MLLT10: variants seen among roughly 807,000 people sequenced by gnomAD.
MLLT10 encodes the protein protein AF-10.
A neutral mutation model predicts 129.1 loss-of-function variants in MLLT10; 30 were observed. The observed-to-expected ratio is 0.23, with a 90% CI of 0.17 to 0.32. MLLT10 has a LOEUF of 0.32. MLLT10 is among the 10% of genes least tolerant of loss of function. The pLI is 1.00. For missense variants in MLLT10, 1,119 were observed against 1,268.3 expected, an observed-to-expected ratio of 0.88 and a Z score of 1.79; for synonymous variants, 490 against 446.4, an observed-to-expected ratio of 1.10 and a Z score of -1.23.
intron 3 of MLLT10, among the ~76,000 whole-genome samples, chr10:21,559,858 A>C (rs564524578): frequency 1.3e-5 from 2 of 152,284 alleles, no homozygotes; most frequent in African/African-American, 4.8e-5. Context: ...TCATCTGTTG[A>C]TGGAAACTTG....
At chr10:21,679,198 T>C (rs1589603495) in intron 11 of MLLT10, among the ~76,000 whole-genome samples, 1 of 152,322 alleles carries the variant, frequency 6.6e-6, no homozygotes, top group Admixed American at 6.5e-5. Flanking sequence ...ATTAGTGTGT[T>C]TCTAAAAGTG....
At chr10:21,676,007 G>A (rs532289057) in intron 11 of MLLT10, among the ~76,000 whole-genome samples, 2 of 152,162 alleles carry the variant, frequency 1.3e-5, no homozygotes, top group African/African-American at 4.8e-5. Flanking sequence ...AAAAGAATTC[G>A]TTTCTCTTAC....
chr10:21,624,805 G>T, intron 8 of MLLT10: 1 of 1,076,264 alleles, frequency 9.3e-7, no homozygotes, highest in Non-Finnish European at 1.4e-6. Flanking sequence ...TGATTGCCCT[G>T]AGATCCACGG....
chr10:21,579,843 G>T (rs2041208738), intron 3 of MLLT10, among the ~76,000 whole-genome samples: 1 of 152,038 alleles, frequency 6.6e-6, no homozygotes, highest in Non-Finnish European at 1.5e-5. Flanking sequence ...GATTACAGGT[G>T]TGAGCCACCA....
intron 7 of MLLT10, among the ~76,000 whole-genome samples, chr10:21,615,457 CAAAAAAAAA>C (rs71393914): frequency 1.9e-4 from 14 of 75,594 alleles, no homozygotes; most frequent in Non-Finnish European, 1.7e-4. Context: ...GACTCCGTCT[CAAAAAAAAA>C]AAAAAAAAGA....
At chr10:21,707,340 G>A (rs1187700823) in intron 13 of MLLT10, among the ~76,000 whole-genome samples, 2 of 151,550 alleles carry the variant, frequency 1.3e-5, no homozygotes, top group Non-Finnish European at 2.9e-5. Context: ...CTACAGGCAC[G>A]CGCCACCATG....
At chr10:21,733,636 GAAT>G (rs1470384614) in intron 19 of MLLT10, 44 bp downstream of exon 19, 1 of 1,465,332 alleles carries the variant, frequency 6.8e-7, no homozygotes, top group African/African-American at 1.4e-5. Context: ...ATTTACTTGT[GAAT>G]AATAGTATAT....
rs758679893 is a variant in MLLT10, at chr10:21,733,564, C to T, written c.2468C>T (p.Pro823Leu). The T allele has an allele frequency of 5.1e-6, 8 of 1,574,282 alleles. No individual in the cohort carries two copies. The East Asian group carries it at 1.8e-4, about 35-fold the overall frequency. ...KSPHIGNSFL[P>L]DNSLPVLNQD... ...CCTCATATAGGAAACAGCTTTTTAC[C>T]TGATAATTCTCTTCCTGTATTAAAT... The change falls in exon 19 of 23, where the codon CCT becomes CTT. Residue 823 changes from proline (P) to leucine (L), a missense_variant. By Grantham distance (98) the Pro-to-Leu change is moderately conservative (BLOSUM62 -3). Transcript: ENST00000307729.
At chr10:21,576,664 C>G (rs1333623177) in intron 3 of MLLT10, among the ~76,000 whole-genome samples, 1 of 142,212 alleles carries the variant, frequency 7.0e-6, no homozygotes. Context: ...GAGTTTTGCT[C>G]TTGTTGCCCA....
intron 21 of MLLT10, chr10:21,738,277 A>G (rs1428135436): frequency 6.1e-6 from 3 of 492,654 alleles, no homozygotes; most frequent in Non-Finnish European, 7.9e-6. Context: ...CAAAAAAAAA[A>G]AATCTTAAAT....
In MLLT10 at chr10:21,673,664, T is replaced by C. The variant is rs1564624611; in HGVS notation, c.1366T>C (p.Ser456Pro). 6.2e-7 allele frequency: 1 copy of C among 1,613,934 alleles called. No individual in the cohort carries two copies. The highest frequency in any genetic ancestry group is 1.3e-5 in the African/African-American group (1 of 74,880). Reference protein sequence around the residue: ...PTAGYKRAQTSGIEEETVKEK... With the variant: ...PTAGYKRAQTPGIEEETVKEK... ...AGCAGGATATAAGCGGGCTCAAACT[T>C]CTGGCATAGAAGAAGAAACTGTAAA... The change falls in exon 11 of 23, where the codon TCT (serine) becomes CCT (proline). Residue 456 changes from serine to proline, a missense_variant. Around this residue, in one of 5 missense-constraint regions of MLLT10, gnomAD observed 1,004 missense variants for 1,008.7 expected, o/e 1.00. Coordinates refer to ENST00000307729, the MANE Select transcript of MLLT10 (RefSeq NM_001195626.3).
At chr10:21,728,650 G>A (rs2057706450) in intron 16 of MLLT10, among the ~76,000 whole-genome samples, 1 of 152,070 alleles carries the variant, frequency 6.6e-6, no homozygotes, top group Non-Finnish European at 1.5e-5. Flanking sequence ...CCTCAAGCAT[G>A]GTGTTAGACT....
At chr10:21,713,350 T>C (rs1302319192) in intron 13 of MLLT10, among the ~76,000 whole-genome samples, 1 of 152,252 alleles carries the variant, frequency 6.6e-6, no homozygotes, top group Non-Finnish European at 1.5e-5. Flanking sequence ...GAACAAGGTC[T>C]CTTCCTACTT....
chr10:21,604,499 G>C (rs1447259304), intron 5 of MLLT10, among the ~76,000 whole-genome samples: 2 of 152,120 alleles, frequency 1.3e-5, no homozygotes, highest in Non-Finnish European at 2.9e-5. Context: ...CGGAGGAGGA[G>C]AGTCGCTTGA....
chr10:21,706,607 A>T (rs2055528909), intron 13 of MLLT10, among the ~76,000 whole-genome samples: 1 of 152,226 alleles, frequency 6.6e-6, no homozygotes, highest in Admixed American at 6.5e-5. Context: ...TTCCATTCAC[A>T]GTCTTTTTCC....
intron 3 of MLLT10, among the ~76,000 whole-genome samples, chr10:21,572,312 A>C (rs971419844): frequency 1.2e-4 from 18 of 152,200 alleles, no homozygotes; most frequent in African/African-American, 4.1e-4. Context: ...TCTTGAAGTC[A>C]GAATTGCAAG....
chr10:21,665,234 C>T (rs1236345177), intron 9 of MLLT10, among the ~76,000 whole-genome samples: 1 of 149,262 alleles, frequency 6.7e-6, no homozygotes, highest in African/African-American at 2.5e-5. Context: ...GCGCGAGCCA[C>T]TGCGCCTGGC....
intron 3 of MLLT10, among the ~76,000 whole-genome samples, chr10:21,564,212 T>A (rs1300459531): frequency 1.4e-4 from 21 of 152,152 alleles, no homozygotes; most frequent in South Asian, 8.3e-4. Flanking sequence ...ACCCTCCGCG[T>A]AGCTGGGACT....
At chr10:21,607,212 A>G (rs1250100431) in intron 5 of MLLT10, among the ~76,000 whole-genome samples, 3 of 152,194 alleles carry the variant, frequency 2.0e-5, no homozygotes, top group Admixed American at 6.5e-5. Context: ...TTTCTCCTGT[A>G]AAGCTCCATT....
Sources: gnomAD v4.1 joint callset for allele counts (sites outside exome capture counted in the v4.1 genomes callset) on GRCh38, gnomAD v4.1.1 for gene constraint, gnomAD v4.1.1 regional missense constraint, MANE v1.5 for transcripts, NCBI Gene and HGNC (gene_info 2026-07-23, HGNC 2026-07-21) for gene names.